ADAMTS3: variants seen among roughly 807,000 people sequenced by gnomAD.
The protein encoded by ADAMTS3 is A disintegrin and metalloproteinase with thrombospondin motifs 3.
Under a neutral mutation model 129.0 loss-of-function variants are expected in ADAMTS3, and 73 were observed. The observed-to-expected ratio is 0.57, with a 90% confidence interval of 0.47 to 0.69. ADAMTS3 has a LOEUF of 0.69. Among genes scored for constraint, ADAMTS3 ranks in the 30% least tolerant of loss-of-function variants. ADAMTS3 has a pLI of 0.00. For synonymous variants in ADAMTS3, 477 were observed against 510.8 expected (o/e 0.93, Z 0.89); for missense variants, 1,457 against 1,514.5 (o/e 0.96, Z 0.63).
chr4:72,295,852 CACTT>C lies in ADAMTS3; in HGVS notation c.2591-70_2591-67del. On this transcript the variant is annotated intron_variant, in intron 18 of 21. Coordinates refer to ENST00000286657, the MANE Select transcript of ADAMTS3 (RefSeq NM_014243.3). ...TCATGCTGATAGTTACTTGATTATTCACTTACTCATTCATACATTTATTCATCCA... is the reference window on the plus strand; with the variant it reads ...TCATGCTGATAGTTACTTGATTATTCACTCATTCATACATTTATTCATCCA... The C allele has an allele frequency of 1.4e-5, 22 of 1,549,390 alleles. No homozygotes were observed. The South Asian group carries it at 2.6e-4, about 18-fold the overall frequency.
intron 3 of ADAMTS3, among the ~76,000 whole-genome samples, chr4:72,453,519 C>G (rs1462515214): frequency 6.6e-6 from 1 of 151,716 alleles, no homozygotes; most frequent in Non-Finnish European, 1.5e-5. Context: ...AAGGTTACAT[C>G]ACTTGCCATA....
intron 20 of ADAMTS3, 61 bp from the exon 21 acceptor site, chr4:72,288,929 C>CAT: frequency 4.7e-6 from 2 of 428,838 alleles, no homozygotes; most frequent in Non-Finnish European, 8.6e-6. Flanking sequence ...CACATACACA[C>CAT]ACACACACAC....
chr4:72,298,538 C>T (rs2062164578), intron 17 of ADAMTS3, 96 bp from the exon 18 acceptor site: 1 of 988,434 alleles, frequency 1.0e-6, no homozygotes, highest in Admixed American at 2.5e-5. Flanking sequence ...CTTATTAAAA[C>T]TGAAAACTTT....
intron 4 of ADAMTS3, among the ~76,000 whole-genome samples, chr4:72,395,402 T>C (rs1308757234): frequency 6.6e-6 from 1 of 152,016 alleles, no homozygotes; most frequent in East Asian, 1.9e-4. Flanking sequence ...GTTAAAAAAA[T>C]AAGTGTTTAG....
In ADAMTS3 at chr4:72,548,618, C is replaced by CGGT. The variant is rs1367043806; in HGVS notation, c.361_363dup (p.Thr121dup). 1 of 1,613,866 alleles carries CGGT rather than the reference C, an allele frequency of 6.2e-7. No homozygotes were observed. The highest frequency in any genetic ancestry group is 2.2e-5 in the East Asian group (1 of 44,890). On this transcript the variant is annotated inframe_insertion, in exon 3 of 22. Coordinates refer to ENST00000286657, the MANE Select transcript of ADAMTS3 (RefSeq NM_014243.3). The stretch of plus-strand genomic sequence containing the variant: ...CCTGGTTGATGGTTGTTAATGGGAT[C>CGGT]GGTTATATTCCCAGGCACCAGAGAT...
chr4:72,534,276 G>A (rs1721131486), intron 3 of ADAMTS3, among the ~76,000 whole-genome samples: 1 of 151,816 alleles, frequency 6.6e-6, no homozygotes, highest in African/African-American at 2.4e-5. Flanking sequence ...GCAGTGAGCT[G>A]AGATTGCGCC....
chr4:72,403,577 T>C (rs1015141701), intron 4 of ADAMTS3, among the ~76,000 whole-genome samples: 2 of 151,746 alleles, frequency 1.3e-5, no homozygotes, highest in Non-Finnish European at 2.9e-5. Context: ...GCTATATTTG[T>C]GATGTTATAA....
chr4:72,291,079 T>C lies in ADAMTS3; in HGVS notation c.2724-17A>G. 6.2e-7 allele frequency: 1 copy of C among 1,613,182 alleles called. No individual in the cohort carries two copies. The highest frequency in any genetic ancestry group is 8.5e-7 in the Non-Finnish European group (1 of 1,179,428). ...GCTACCCAGCTGTGGGTGCGGGGAT[T>C]TAATATTGCAATTATCACTGGTATG... On this transcript the variant is annotated splice_polypyrimidine_tract_variant and intron_variant, in intron 19 of 21. Transcript: ENST00000286657.
intron 3 of ADAMTS3, among the ~76,000 whole-genome samples, chr4:72,512,186 TA>T (rs1720333885): frequency 2.0e-5 from 3 of 152,130 alleles, no homozygotes; most frequent in Admixed American, 6.5e-5. Flanking sequence ...AAAGAATAAA[TA>T]AGACCTGGTT....
chr4:72,388,092 A>G (rs1438720056), intron 4 of ADAMTS3, among the ~76,000 whole-genome samples: 1 of 152,208 alleles, frequency 6.6e-6, no homozygotes, highest in Non-Finnish European at 1.5e-5. Flanking sequence ...CCATTAGCAT[A>G]AGGTAAAAAT....
intron 3 of ADAMTS3, among the ~76,000 whole-genome samples, chr4:72,426,819 T>G (rs2109940778): frequency 6.6e-6 from 1 of 152,130 alleles, no homozygotes; most frequent in Non-Finnish European, 1.5e-5. Context: ...GCTTGAACCC[T>G]GGAGGTCAAG....
chr4:72,419,457 G>A (rs1283772840), intron 3 of ADAMTS3, among the ~76,000 whole-genome samples: 1 of 152,192 alleles, frequency 6.6e-6, no homozygotes, highest in African/African-American at 2.4e-5. Context: ...AGTGGGGATA[G>A]AATAGAAGGA....
intron 4 of ADAMTS3, among the ~76,000 whole-genome samples, chr4:72,355,356 G>C (rs1720553527): frequency 6.6e-6 from 1 of 151,932 alleles, no homozygotes; most frequent in South Asian, 2.1e-4. Context: ...AAAACAATGT[G>C]GGGGTGGAGG....
chr4:72,501,551 A>G (rs887387408), intron 3 of ADAMTS3, among the ~76,000 whole-genome samples: 2 of 152,102 alleles, frequency 1.3e-5, no homozygotes, highest in African/African-American at 2.4e-5. Flanking sequence ...CTCTAGAATC[A>G]TATCATGAGC....
chr4:72,451,836 C>T (rs116360664), intron 3 of ADAMTS3, among the ~76,000 whole-genome samples: 2,515 of 151,794 alleles, frequency 0.017, 76 homozygotes, highest in African/African-American at 0.058. Flanking sequence ...GTGGCTCACG[C>T]CTGTAATTCC....
At chr4:72,323,133 A>G in intron 5 of ADAMTS3, 36 bp from the exon 6 acceptor site, 2 of 1,517,430 alleles carry the variant, frequency 1.3e-6, no homozygotes, top group South Asian at 1.1e-5. Context: ...AAAAGAAAGG[A>G]AACACCGAGG....
chr4:72,455,944 T>C (rs1718557700), intron 3 of ADAMTS3, among the ~76,000 whole-genome samples: 1 of 105,472 alleles, frequency 9.5e-6, no homozygotes, highest in Non-Finnish European at 1.8e-5. Flanking sequence ...ATATAGTATA[T>C]ATACAGTATA....
At chr4:72,337,505 A>T (rs1467064350) in intron 5 of ADAMTS3, among the ~76,000 whole-genome samples, 1 of 152,156 alleles carries the variant, frequency 6.6e-6, no homozygotes, top group African/African-American at 2.4e-5. Context: ...AAGCAGTTTA[A>T]CTCCTAACTT....
chr4:72,351,064 A>T (rs868749139), intron 4 of ADAMTS3, among the ~76,000 whole-genome samples: 1 of 151,950 alleles, frequency 6.6e-6, no homozygotes, highest in South Asian at 2.1e-4. Flanking sequence ...CCCTCAAGAC[A>T]ATAAGCTGGG....
Sources: allele counts gnomAD v4.1 joint callset (sites outside exome capture counted in the v4.1 genomes callset), GRCh38; gene constraint gnomAD v4.1.1; transcripts MANE v1.5; gene names NCBI Gene and HGNC (gene_info 2026-07-23, HGNC 2026-07-21).